GNAL: variants seen among roughly 807,000 people sequenced by gnomAD.
The protein encoded by GNAL is guanine nucleotide-binding protein G(olf) subunit alpha.
A neutral mutation model predicts 55.1 loss-of-function variants in GNAL; 18 were observed. The observed-to-expected ratio is 0.33, with a 90% CI of 0.23 to 0.48. The LOEUF is 0.48. Ranked by LOEUF, GNAL falls within the 20% of genes least tolerant of loss-of-function variation. GNAL has a pLI of 0.99. For synonymous variants in GNAL, 253 were observed against 237.0 expected, an observed-to-expected ratio of 1.07 and a Z score of -0.62; for missense variants, 412 against 614.1, an observed-to-expected ratio of 0.67 and a Z score of 3.48.
intron 6 of GNAL, among the ~76,000 whole-genome samples, chr18:11,863,514 G>A (rs954444140): frequency 6.6e-6 from 1 of 152,166 alleles, no homozygotes; most frequent in African/African-American, 2.4e-5. Flanking sequence ...AGGCTTCCTC[G>A]TCTTGAGTCA....
intron 5 of GNAL, among the ~76,000 whole-genome samples, chr18:11,839,569 A>AAAAAAAAT (rs1555656666): frequency 1.0e-4 from 15 of 150,398 alleles, no homozygotes; most frequent in East Asian, 5.9e-4. Context: ...AAAAAAAAAA[A>AAAAAAAAT]TTTTTTTTCT....
At chr18:11,733,079 T>G (rs972536506) in intron 1 of GNAL, among the ~76,000 whole-genome samples, 2 of 150,042 alleles carry the variant, frequency 1.3e-5, no homozygotes, top group Non-Finnish European at 3.0e-5. Context: ...CACCTGGACA[T>G]GTGAAGAGAA....
chr18:11,733,724 A>G (rs1462578035), intron 1 of GNAL, among the ~76,000 whole-genome samples: 1 of 152,134 alleles, frequency 6.6e-6, no homozygotes, highest in African/African-American at 2.4e-5. Flanking sequence ...CGGACACAGG[A>G]GTGGAAGAAC....
chr18:11,884,249 G>C lies in GNAL; in HGVS notation c.*3114G>C. The C allele has an allele frequency of 1.7e-6, 1 of 572,952 alleles. No individual in the cohort carries two copies. Among genetic ancestry groups the C allele is most frequent in the East Asian group, 2.9e-5 (1 of 35,076 alleles). 35.5% of individuals were successfully genotyped at this position (572,952 alleles called of 1,614,324 possible). On this transcript the variant is annotated 3_prime_UTR_variant, in exon 12 of 12. Coordinates refer to ENST00000334049, the MANE Select transcript of GNAL (RefSeq NM_182978.4). ...AATGAGAAAACAGATTTGTTGTAGAGTACCTGTCCACTTTTATAGCATGAG... is the reference window on the plus strand; with the variant it reads ...AATGAGAAAACAGATTTGTTGTAGACTACCTGTCCACTTTTATAGCATGAG...
chr18:11,791,289 C>T (rs2034228254), intron 4 of GNAL, among the ~76,000 whole-genome samples: 1 of 152,154 alleles, frequency 6.6e-6, no homozygotes, highest in Non-Finnish European at 1.5e-5. Context: ...AAATTTCCTG[C>T]CTGTTTGTTT....
intron 4 of GNAL, among the ~76,000 whole-genome samples, chr18:11,781,651 A>G (rs2033926557): frequency 6.6e-6 from 1 of 152,236 alleles, no homozygotes; most frequent in Admixed American, 6.5e-5. Flanking sequence ...AAACTTTGTG[A>G]GAATTATAAG....
intron 7 of GNAL, among the ~76,000 whole-genome samples, chr18:11,866,586 G>A (rs1448284644): frequency 2.7e-5 from 4 of 150,524 alleles, no homozygotes; most frequent in Admixed American, 1.3e-4. Context: ...TTGGCTGAGC[G>A]AGACCGGGAA....
At chr18:11,812,189 T>C (rs970052106) in intron 4 of GNAL, among the ~76,000 whole-genome samples, 2 of 152,260 alleles carry the variant, frequency 1.3e-5, no homozygotes, top group African/African-American at 2.4e-5. Flanking sequence ...AATTCTGTAC[T>C]GTGGGAACTG....
At chr18:11,820,496 T>C (rs138428472) in intron 4 of GNAL, among the ~76,000 whole-genome samples, 1 of 152,342 alleles carries the variant, frequency 6.6e-6, no homozygotes, top group African/African-American at 2.4e-5. Flanking sequence ...AATGTTGAAA[T>C]AACATGATAT....
Position 11,884,344 on chromosome 18 carries a change from G to C in GNAL, c.*3209G>C, listed in dbSNP as rs2036858511. ...ATTGAGAATTTCTGTGCTGTGCAGA[G>C]AGACGGCCTGTAATTGGTCTCATCA... On this transcript the variant is annotated 3_prime_UTR_variant, in exon 12 of 12. Transcript: ENST00000334049. 6.4e-6 allele frequency: 7 copies of C among 1,102,060 alleles called. No individual in the cohort carries two copies. Among genetic ancestry groups the C allele is most frequent in the Non-Finnish European group, 9.4e-6 (7 of 747,918 alleles). 68.3% of individuals were successfully genotyped at this position (1,102,060 alleles called of 1,614,324 possible). A position where few individuals can be genotyped will look rare whatever the true frequency, so the allele number is the denominator to read the frequency against.
Position 11,740,998 on chromosome 18 carries a change from C to T in GNAL, c.377-11855C>T, listed in dbSNP as rs111943948. Among the ~76,000 whole-genome samples the T allele has an allele frequency of 6.0e-3, 909 of 152,272 alleles. 6 individuals are homozygous for T. Among genetic ancestry groups the T allele is most frequent in the African/African-American group, 0.019 (795 of 41,550 alleles). On this transcript the variant is annotated intron_variant, in intron 1 of 11. Transcript: ENST00000334049. Reference sequence around the variant, plus strand: ...GTTATGTTTAATTGCATAGACAATTCGATATTCTATTACAAGGAATACTGT... The same window carrying T: ...GTTATGTTTAATTGCATAGACAATTTGATATTCTATTACAAGGAATACTGT...
At chr18:11,814,942 AAGTGGTT>A (rs2034916413) in intron 4 of GNAL, among the ~76,000 whole-genome samples, 1 of 152,000 alleles carries the variant, frequency 6.6e-6, no homozygotes, top group Non-Finnish European at 1.5e-5. Flanking sequence ...TAGAGAGTAG[AAGTGGTT>A]ACCAGAGGTT....
chr18:11,721,546 A>G (rs1218129820), intron 1 of GNAL, among the ~76,000 whole-genome samples: 5 of 151,976 alleles, frequency 3.3e-5, no homozygotes, highest in Admixed American at 6.6e-5. Context: ...ACCTGAGGTC[A>G]GCAGTTCCAG....
chr18:11,793,834 C>T (rs1347867216), intron 4 of GNAL, among the ~76,000 whole-genome samples: 1 of 145,116 alleles, frequency 6.9e-6, no homozygotes, highest in Non-Finnish European at 1.5e-5. Flanking sequence ...GAGGCTGGAG[C>T]GGGAGTCAGA....
intron 4 of GNAL, among the ~76,000 whole-genome samples, chr18:11,777,467 T>A (rs2033815776): frequency 6.6e-6 from 1 of 152,218 alleles, no homozygotes; most frequent in Non-Finnish European, 1.5e-5. Context: ...CAATACATGC[T>A]ACTTGACATG....
chr18:11,881,252 T>C lies in GNAL; in HGVS notation c.*117T>C. The C allele has an allele frequency of 9.5e-7, 1 of 1,053,222 alleles. No homozygotes were observed. The highest frequency in any genetic ancestry group is 1.3e-6 in the Non-Finnish European group (1 of 744,546). The allele number at this position is 1,053,222 out of a possible 1,614,324, so 65.2% of individuals were successfully genotyped here. ...TCTCGCTGCCGTCTGTCCCGTTCTG[T>C]GTCGACCACCAAGCCTCTGGCTACC... On this transcript the variant is annotated 3_prime_UTR_variant, in exon 12 of 12. Coordinates refer to ENST00000334049, the MANE Select transcript of GNAL (RefSeq NM_182978.4). This position sits in a 1 kb window ranked among gnomAD's most constrained non-coding sequence, Gnocchi z 4.8.
chr18:11,757,716 A>T (rs1479439171), intron 4 of GNAL, among the ~76,000 whole-genome samples: 1 of 152,058 alleles, frequency 6.6e-6, no homozygotes, highest in Non-Finnish European at 1.5e-5. Flanking sequence ...TGAGTTGGAG[A>T]TGACTATTAC....
At chr18:11,843,520 G>T (rs528186423) in intron 5 of GNAL, among the ~76,000 whole-genome samples, 1 of 150,470 alleles carries the variant, frequency 6.6e-6, no homozygotes, top group Non-Finnish European at 1.5e-5. Flanking sequence ...GCAAGACTCT[G>T]TCTCAAAAAT....
In GNAL at chr18:11,822,820, C is replaced by T. The variant is rs80116644; in HGVS notation, c.625-2098C>T. On this transcript the variant is annotated intron_variant, in intron 4 of 11. Coordinates refer to ENST00000334049, the MANE Select transcript of GNAL (RefSeq NM_182978.4). ...CAATATTGTTTTTCTTTTTTTTTTT[C>T]TTTTTTTTTTTTTTTTTTTGACCAA... Among the ~76,000 whole-genome samples the T allele has an allele frequency of 2.2e-3, 312 of 139,536 alleles. 1 individual carries two copies. The highest frequency in any genetic ancestry group is 2.8e-3 in the South Asian group (12 of 4,362). The allele number at this position is 139,536 out of a possible 152,430, so 91.5% of individuals were successfully genotyped here. A position where few individuals can be genotyped will look rare whatever the true frequency, so the allele number is the denominator to read the frequency against.
Sources: allele counts gnomAD v4.1 joint callset (sites outside exome capture counted in the v4.1 genomes callset), GRCh38; gene constraint gnomAD v4.1.1; non-coding constraint Gnocchi (gnomAD v3.1); transcripts MANE v1.5; gene names NCBI Gene and HGNC (gene_info 2026-07-23, HGNC 2026-07-21).